TNS3: variants seen among roughly 807,000 people sequenced by gnomAD.
TNS3 encodes the protein tensin-3.
A neutral mutation model predicts 140.9 loss-of-function variants in TNS3; 45 were observed. The observed-to-expected ratio is 0.32, with a 90% CI of 0.25 to 0.41. The LOEUF (loss-of-function observed/expected upper bound fraction) is 0.41. Among genes scored for constraint, TNS3 ranks in the 10% least tolerant of loss-of-function variants. The probability of loss-of-function intolerance (pLI) is 1.00; values close to 1 mark genes in which losing one functional copy is unlikely to be tolerated. For synonymous variants in TNS3, 815 were observed against 788.4 expected (o/e 1.03, Z -0.56); for missense variants, 1,716 against 1,906.7 (o/e 0.90, Z 1.86).
intron 1 of TNS3, among the ~76,000 whole-genome samples, chr7:47,551,988 C>T (rs915494593): frequency 2.0e-5 from 3 of 147,002 alleles, no homozygotes; most frequent in Non-Finnish European, 4.4e-5. Context: ...TGTTGGAGTG[C>T]TTTTACAAGG....
In TNS3 at chr7:47,435,466, A is replaced by G. The variant is rs1347000203; in HGVS notation, c.202-62T>C. The G allele has an allele frequency of 6.2e-6, 10 of 1,600,422 alleles. No homozygotes were observed. In the East Asian group the frequency reaches 2.0e-4, roughly 32 times the overall value. On this transcript the variant is annotated intron_variant, in intron 7 of 30. Coordinates refer to ENST00000311160, the MANE Select transcript of TNS3 (RefSeq NM_022748.12). Reference sequence around the variant, plus strand: ...TCCTAAAACCTTCTGAGGCCATCTCACAATGACTTCTTTCATCATCAGTAC... The same window carrying G: ...TCCTAAAACCTTCTGAGGCCATCTCGCAATGACTTCTTTCATCATCAGTAC...
chr7:47,443,820 C>G (rs899286211), intron 4 of TNS3, among the ~76,000 whole-genome samples: 3 of 152,152 alleles, frequency 2.0e-5, no homozygotes, highest in Non-Finnish European at 4.4e-5. Flanking sequence ...ACTCGGGAGG[C>G]TGAGGCACAA....
At chr7:47,540,213 G>A (rs530878095) in intron 1 of TNS3, among the ~76,000 whole-genome samples, 1 of 151,914 alleles carries the variant, frequency 6.6e-6, no homozygotes, top group Admixed American at 6.5e-5. Flanking sequence ...GGAACAAAAT[G>A]AGGTTCTTCC....
chr7:47,340,092 C>CATATATATATATATATATATATAT (rs199944761), intron 20 of TNS3, among the ~76,000 whole-genome samples: 2 of 46,038 alleles, frequency 4.3e-5, no homozygotes, highest in African/African-American at 8.9e-5. Context: ...TGTGCATATA[C>CATATATATATATATATATATATAT]ATATATATAT....
chr7:47,515,548 ACAC>A (rs202156390), intron 2 of TNS3, among the ~76,000 whole-genome samples: 1,482 of 129,632 alleles, frequency 0.011, 22 homozygotes, highest in African/African-American at 0.035. Flanking sequence ...ACCATCAACC[ACAC>A]CATCACCATC....
At chr7:47,354,367 A>G (rs185011967) in intron 17 of TNS3, among the ~76,000 whole-genome samples, 36 of 152,220 alleles carry the variant, frequency 2.4e-4, no homozygotes, top group Non-Finnish European at 2.6e-4. Flanking sequence ...CAGCTCCCCA[A>G]CGTACCCCTT....
At chr7:47,554,594 G>A (rs77368435) in intron 1 of TNS3, among the ~76,000 whole-genome samples, 3,930 of 152,290 alleles carry the variant, frequency 0.026, 171 homozygotes, top group African/African-American at 0.09. Context: ...GTGAAGAAAG[G>A]AGCTGCAAAT....
intron 2 of TNS3, among the ~76,000 whole-genome samples, chr7:47,514,105 C>T (rs1393976020): frequency 6.6e-6 from 1 of 152,200 alleles, no homozygotes. Context: ...TGTGAGTCAC[C>T]CTCTGCTTCT....
At chr7:47,513,760 C>T (rs764339683) in intron 2 of TNS3, among the ~76,000 whole-genome samples, 18 of 152,350 alleles carry the variant, frequency 1.2e-4, no homozygotes, top group Admixed American at 3.3e-4. Context: ...TCCAGCCCAG[C>T]TTACCCTCCG....
intron 2 of TNS3, among the ~76,000 whole-genome samples, chr7:47,524,601 GAC>G (rs1263405499): frequency 2.7e-4 from 40 of 150,796 alleles, no homozygotes; most frequent in African/African-American, 8.6e-4. Flanking sequence ...AGGAGATCGA[GAC>G]CATCCTGGCT....
Position 47,368,708 on chromosome 7 carries a change from A to C in TNS3, c.1938T>G (p.Gly646=), listed in dbSNP as rs76637739. The change falls in exon 17 of 31, where the codon GGT becomes GGG. Residue 646 remains glycine (G), a synonymous_variant. Transcript: ENST00000311160. The stretch of plus-strand genomic sequence containing the variant: ...CAGGGGGATGTGGCCCACTGCCTAC[A>C]CCCCTCTGGACAGCCACCCTACTGC... ...GTSSRVAVQR[G]VGSGPHPPDT... is the part of the protein sequence containing the mutation. 6.5e-3 allele frequency: 10,225 copies of C among 1,577,678 alleles called. 474 individuals are homozygous for C. In the African/African-American group the frequency reaches 0.11, roughly 17 times the overall value.
At chr7:47,297,059 T>C (rs1786066888) in intron 24 of TNS3, 23 bp downstream of exon 24, 6 of 1,613,820 alleles carry the variant, frequency 3.7e-6, no homozygotes, top group Non-Finnish European at 5.1e-6. Context: ...GCTGAACAGA[T>C]CAATAGGGAG....
rs1784513444 is a variant in TNS3 at position 47,580,907 on chromosome 7, A to C, written c.-265+1144T>G. Among the ~76,000 whole-genome samples the C allele has an allele frequency of 2.0e-5, 3 of 152,142 alleles. No individual in the cohort carries two copies. The South Asian group carries it at 6.2e-4, about 32-fold the overall frequency. The stretch of plus-strand genomic sequence containing the variant: ...TATATTTTCAGAGTCCTCCATGATC[A>C]TGCATTCAAATAGTGAAAAAAATGG... On this transcript the variant is annotated intron_variant, in intron 1 of 30. Coordinates refer to ENST00000311160, the MANE Select transcript of TNS3 (RefSeq NM_022748.12).
chr7:47,520,016 G>C (rs188829525), intron 2 of TNS3, among the ~76,000 whole-genome samples: 14 of 151,662 alleles, frequency 9.2e-5, no homozygotes, highest in African/African-American at 3.4e-4. Flanking sequence ...TAGTAGAGAC[G>C]GGGTTTCACC....
chr7:47,500,959 A>G (rs1798190716), intron 3 of TNS3, among the ~76,000 whole-genome samples: 1 of 152,162 alleles, frequency 6.6e-6, no homozygotes, highest in South Asian at 2.1e-4. Flanking sequence ...GTGTTGGCAC[A>G]CGCCTATAAC....
intron 17 of TNS3, among the ~76,000 whole-genome samples, chr7:47,362,613 A>G (rs114615045): frequency 0.014 from 2,172 of 152,272 alleles, 51 homozygotes; most frequent in African/African-American, 0.046. Context: ...AGTCAGAGAG[A>G]CGAGAGCTCT....
chr7:47,293,780 G>A lies in TNS3; in HGVS notation c.3725C>T (p.Thr1242Ile), dbSNP rs1178846930. 3.1e-6 allele frequency: 5 copies of A among 1,614,034 alleles called. No individual in the cohort carries two copies. The highest frequency in any genetic ancestry group is 2.2e-5 in the East Asian group (1 of 44,884). Residue 1242 changes from threonine to isoleucine, a missense_variant, in exon 25 of 31, where the codon ACC (threonine) becomes ATC (isoleucine). Physicochemically the swap from Thr to Ile is moderately conservative, Grantham distance 89 (BLOSUM62 -1). Around this residue, in one of 3 missense-constraint regions of TNS3, gnomAD observed 216 missense variants for 295.7 expected, o/e 0.73. Coordinates refer to ENST00000311160, the MANE Select transcript of TNS3 (RefSeq NM_022748.12). ...ELVRHFLIEC[T>I]PKGVRLKGCS... ...CCCTTTCAACCGCACTCCCTTCGGG[G>A]TACACTCGATCAAAAAGTGCCGGAC... is the stretch of plus-strand genomic sequence containing the variant.
chr7:47,437,687 T>C (rs1183764124), intron 6 of TNS3, among the ~76,000 whole-genome samples: 13 of 150,374 alleles, frequency 8.6e-5, no homozygotes, highest in Non-Finnish European at 1.5e-4. Flanking sequence ...CCAGGCGATT[T>C]ACTGTGTTAC....
intron 13 of TNS3, among the ~76,000 whole-genome samples, chr7:47,404,497 A>G (rs1455543958): frequency 6.6e-6 from 1 of 152,220 alleles, no homozygotes; most frequent in African/African-American, 2.4e-5. Context: ...GATGATCTCA[A>G]TGGGAAGGCC....
Sources: allele counts gnomAD v4.1 joint callset (sites outside exome capture counted in the v4.1 genomes callset), GRCh38; gene constraint gnomAD v4.1.1; regional missense constraint gnomAD v4.1.1; transcripts MANE v1.5; gene names NCBI Gene and HGNC (gene_info 2026-07-23, HGNC 2026-07-21).